HS3ST3A1: variants seen among roughly 807,000 people sequenced by gnomAD.
The protein encoded by HS3ST3A1 is heparan sulfate-glucosamine 3-sulfotransferase 3A1.
A neutral mutation model predicts 25.7 loss-of-function variants in HS3ST3A1; 19 were observed. The ratio of observed to expected loss-of-function variants is 0.74; its 90% confidence interval spans 0.52 to 1.08. HS3ST3A1 has a LOEUF of 1.08. Ranked by LOEUF, HS3ST3A1 falls within the 50% of genes least tolerant of loss-of-function variation. The pLI is 0.00. For synonymous variants in HS3ST3A1, 226 were observed against 278.6 expected (o/e 0.81, Z 1.88); for missense variants, 459 against 594.3 (o/e 0.77, Z 2.37).
At chr17:13,512,247 C>T (rs1192123600) in intron 1 of HS3ST3A1, among the ~76,000 whole-genome samples, 2 of 140,380 alleles carry the variant, frequency 1.4e-5, no homozygotes, top group South Asian at 2.3e-4. Flanking sequence ...TGCAGTGAGC[C>T]GAGATTGCGC....
At chr17:13,576,063 C>T (rs1907941719) in intron 1 of HS3ST3A1, among the ~76,000 whole-genome samples, 1 of 152,240 alleles carries the variant, frequency 6.6e-6, no homozygotes, top group Non-Finnish European at 1.5e-5. Flanking sequence ...GAGTTTTAAT[C>T]AGCTCTCCAG....
chr17:13,519,309 G>A (rs1906151677), intron 1 of HS3ST3A1, among the ~76,000 whole-genome samples: 2 of 152,162 alleles, frequency 1.3e-5, no homozygotes, highest in Non-Finnish European at 1.5e-5. Flanking sequence ...GAGAATAATT[G>A]GCTTTTGTTC....
intron 1 of HS3ST3A1, among the ~76,000 whole-genome samples, chr17:13,595,636 T>G (rs1019595334): frequency 1.3e-5 from 2 of 152,222 alleles, no homozygotes; most frequent in Non-Finnish European, 2.9e-5. Flanking sequence ...ACAAATTTTC[T>G]AAAAGCTTGG....
rs7213783 is a variant in HS3ST3A1, at chr17:13,494,639, T to C, written c.*1558A>G. ...AGACATTTTTCCTCTTGGGTTTAAA[T>C]TTCTAATAAAATGTTGCTGACAGGC... On this transcript the variant is annotated 3_prime_UTR_variant, in exon 2 of 2. Coordinates refer to ENST00000284110, the MANE Select transcript of HS3ST3A1 (RefSeq NM_006042.3). 0.78 allele frequency among the ~76,000 whole-genome samples: 118,795 copies of C among 152,170 alleles called. 47,301 individuals carry two copies. The highest frequency in any genetic ancestry group is 0.93 in the African/African-American group (38,574 of 41,562).
At chr17:13,522,284 T>A (rs1012787738) in intron 1 of HS3ST3A1, among the ~76,000 whole-genome samples, 4 of 151,982 alleles carry the variant, frequency 2.6e-5, no homozygotes, top group African/African-American at 9.7e-5. Flanking sequence ...TCAGAAAGCC[T>A]ATTATTTATC....
At chr17:13,517,959 A>G (rs755804863) in intron 1 of HS3ST3A1, among the ~76,000 whole-genome samples, 5 of 152,174 alleles carry the variant, frequency 3.3e-5, no homozygotes, top group Non-Finnish European at 7.3e-5. Context: ...TTTATTTTCT[A>G]ATAGAGTTTT....
In HS3ST3A1 at chr17:13,534,482, T is replaced by C. The variant is rs1277527845; in HGVS notation, c.600-37664A>G. On this transcript the variant is annotated intron_variant, in intron 1 of 1. Coordinates refer to ENST00000284110, the MANE Select transcript of HS3ST3A1 (RefSeq NM_006042.3). ...ACTTTGGGAGGTGGAGGGAGGTGGA[T>C]TGCTTGAGCCCAGGAGTTTGAGACC... 2.8e-5 allele frequency among the ~76,000 whole-genome samples: 4 copies of C among 141,698 alleles called. No homozygotes were observed. The Admixed American group carries it at 3.0e-4, about 10-fold the overall frequency. 93.0% of individuals were successfully genotyped at this position (141,698 alleles called of 152,430 possible). A position where few individuals can be genotyped will look rare whatever the true frequency, so the allele number is the denominator to read the frequency against.
intron 1 of HS3ST3A1, among the ~76,000 whole-genome samples, chr17:13,560,873 A>G (rs1907526816): frequency 6.6e-6 from 1 of 152,164 alleles, no homozygotes; most frequent in Admixed American, 6.5e-5. Context: ...CCTGAAGTTT[A>G]CAGAAGGAAG....
chr17:13,541,985 T>G (rs1459444552), intron 1 of HS3ST3A1, among the ~76,000 whole-genome samples: 1 of 152,096 alleles, frequency 6.6e-6, no homozygotes, highest in Non-Finnish European at 1.5e-5. Context: ...GCCTCAACTC[T>G]CAATGTGACT....
intron 1 of HS3ST3A1, among the ~76,000 whole-genome samples, chr17:13,567,778 A>C (rs1185709295): frequency 6.6e-6 from 1 of 152,216 alleles, no homozygotes; most frequent in Non-Finnish European, 1.5e-5. Context: ...TAAACCTTGA[A>C]CCGATAATGA....
At chr17:13,596,904 C>G (rs886777755) in intron 1 of HS3ST3A1, among the ~76,000 whole-genome samples, 3 of 152,058 alleles carry the variant, frequency 2.0e-5, no homozygotes, top group Admixed American at 6.6e-5. Flanking sequence ...CAGTATGCCT[C>G]TCTAATGGAC....
intron 1 of HS3ST3A1, among the ~76,000 whole-genome samples, chr17:13,570,766 A>G (rs1317125414): frequency 2.6e-5 from 4 of 152,246 alleles, no homozygotes; most frequent in Admixed American, 1.3e-4. Flanking sequence ...CACTGTGTCC[A>G]GCCTACAACT....
rs1251188045 is a variant in HS3ST3A1, at chr17:13,494,270, G to A, written c.*1927C>T. On this transcript the variant is annotated 3_prime_UTR_variant, in exon 2 of 2. Transcript: ENST00000284110. ...ACAGTCTGTGGCACTGGGAAATTGA[G>A]AGCATAGACATGAAGGAAATCAACT... 6.6e-6 allele frequency among the ~76,000 whole-genome samples: 1 copy of A among 152,188 alleles called. No individual in the cohort carries two copies. The highest frequency in any genetic ancestry group is 1.5e-5 in the Non-Finnish European group (1 of 68,030).
chr17:13,568,766 C>A (rs62053883), intron 1 of HS3ST3A1, among the ~76,000 whole-genome samples: 10,408 of 152,032 alleles, frequency 0.068, 550 homozygotes, highest in African/African-American at 0.15. Context: ...CTCCTGGGAA[C>A]CAAGTTGTAA....
At chr17:13,513,430 A>G (rs1905944458) in intron 1 of HS3ST3A1, among the ~76,000 whole-genome samples, 1 of 152,230 alleles carries the variant, frequency 6.6e-6, no homozygotes, top group African/African-American at 2.4e-5. Flanking sequence ...TCTACATGCA[A>G]AAAAGGTTCA....
intron 1 of HS3ST3A1, among the ~76,000 whole-genome samples, chr17:13,519,306 A>G (rs1274670076): frequency 6.6e-6 from 1 of 152,202 alleles, no homozygotes; most frequent in Non-Finnish European, 1.5e-5. Flanking sequence ...TTTGAGAATA[A>G]TTGGCTTTTG....
chr17:13,599,226 A>G (rs560305534), intron 1 of HS3ST3A1, among the ~76,000 whole-genome samples: 8 of 152,324 alleles, frequency 5.3e-5, no homozygotes, highest in African/African-American at 1.7e-4. Context: ...TATTAAGGGA[A>G]GGTTGTTTGT....
intron 1 of HS3ST3A1, among the ~76,000 whole-genome samples, chr17:13,550,438 C>T (rs920377295): frequency 6.6e-6 from 1 of 152,070 alleles, no homozygotes; most frequent in Non-Finnish European, 1.5e-5. Flanking sequence ...ACACACGCCC[C>T]CCATGTTCTT....
rs2142283246 is a variant in HS3ST3A1 at position 13,494,929 on chromosome 17, A to C, written c.*1268T>G. ...TTAGGTTATAAATGGTATAAATAGGAAGTGGGAGGGGGGAATAAAGTGACA... is the reference window on the plus strand; with the variant it reads ...TTAGGTTATAAATGGTATAAATAGGCAGTGGGAGGGGGGAATAAAGTGACA... On this transcript the variant is annotated 3_prime_UTR_variant, in exon 2 of 2. Transcript: ENST00000284110. 6.6e-6 allele frequency among the ~76,000 whole-genome samples: 1 copy of C among 152,290 alleles called. No individual in the cohort carries two copies. The highest frequency in any genetic ancestry group is 1.9e-4 in the East Asian group (1 of 5,182).
Sources: allele counts gnomAD v4.1 joint callset (sites outside exome capture counted in the v4.1 genomes callset), GRCh38; gene constraint gnomAD v4.1.1; transcripts MANE v1.5; gene names NCBI Gene and HGNC (gene_info 2026-07-23, HGNC 2026-07-21).